Variants in STXBP6 observed in about 807,000 individuals in gnomAD.
STXBP6 encodes the protein syntaxin-binding protein 6.
In STXBP6, 21 loss-of-function variants were observed where a neutral mutation model predicts 26.9. The ratio of observed to expected loss-of-function variants is 0.78; its 90% CI spans 0.55 to 1.12. The LOEUF (loss-of-function observed/expected upper bound fraction) is 1.12. Among genes scored for constraint, STXBP6 ranks in the 50% most tolerant of loss-of-function variants. The pLI is 0.00. For synonymous variants in STXBP6, 97 were observed against 92.6 expected (o/e 1.05, Z -0.27); for missense variants, 232 against 257.9 (o/e 0.90, Z 0.69).
chr14:24,978,916 G>T (rs547701871), intron 1 of STXBP6, among the ~76,000 whole-genome samples: 1 of 152,204 alleles, frequency 6.6e-6, no homozygotes, highest in Non-Finnish European at 1.5e-5. Flanking sequence ...ACAGGTGTAA[G>T]ATGCAACATT....
chr14:24,905,068 C>A (rs979503673), intron 2 of STXBP6, among the ~76,000 whole-genome samples: 1 of 152,038 alleles, frequency 6.6e-6, no homozygotes, highest in Non-Finnish European at 1.5e-5. Context: ...ATATAGGTAT[C>A]CTTTCCAAAT....
intron 3 of STXBP6, 88 bp downstream of exon 3, chr14:24,856,939 T>C: frequency 2.7e-6 from 4 of 1,474,672 alleles, no homozygotes; most frequent in Non-Finnish European, 3.6e-6. Context: ...TTAAGAATGA[T>C]TCAAACCACC....
chr14:24,991,947 G>A (rs1156309484), intron 1 of STXBP6, among the ~76,000 whole-genome samples: 1 of 152,098 alleles, frequency 6.6e-6, no homozygotes, highest in Non-Finnish European at 1.5e-5. Context: ...CTCCTAATAC[G>A]ACCATTCTCC....
chr14:24,970,224 G>T (rs1438993290), intron 2 of STXBP6, among the ~76,000 whole-genome samples: 2 of 149,534 alleles, frequency 1.3e-5, no homozygotes, highest in Non-Finnish European at 3.0e-5. Flanking sequence ...CTGGGCAACA[G>T]AACGAGACTC....
At chr14:24,899,234 C>T (rs976390463) in intron 2 of STXBP6, among the ~76,000 whole-genome samples, 23 of 152,140 alleles carry the variant, frequency 1.5e-4, no homozygotes, top group African/African-American at 5.6e-4. Flanking sequence ...AATTAAAGCA[C>T]TATATTAGAC....
intron 2 of STXBP6, among the ~76,000 whole-genome samples, chr14:24,963,141 T>C (rs1566514651): frequency 1.3e-5 from 2 of 152,150 alleles, no homozygotes; most frequent in South Asian, 2.1e-4. Context: ...AACTAATATG[T>C]ATACATTTAG....
At chr14:24,851,039 G>A (rs760028490) in intron 4 of STXBP6, among the ~76,000 whole-genome samples, 1 of 152,036 alleles carries the variant, frequency 6.6e-6, no homozygotes, top group Non-Finnish European at 1.5e-5. Flanking sequence ...CACAGTATTA[G>A]GCATATGAAT....
At chr14:24,883,789 T>G (rs369819188) in intron 2 of STXBP6, among the ~76,000 whole-genome samples, 6 of 152,218 alleles carry the variant, frequency 3.9e-5, no homozygotes, top group African/African-American at 1.4e-4. Flanking sequence ...CTATAGTGTT[T>G]AATCCCCCTG....
intron 1 of STXBP6, among the ~76,000 whole-genome samples, chr14:24,984,649 G>A (rs867081938): frequency 2.0e-5 from 3 of 152,148 alleles, no homozygotes; most frequent in South Asian, 2.1e-4. Context: ...AATGGTGATC[G>A]AAAGGCTTCC....
intron 2 of STXBP6, among the ~76,000 whole-genome samples, chr14:24,896,186 C>G (rs1375454512): frequency 6.6e-6 from 1 of 152,084 alleles, no homozygotes; most frequent in Non-Finnish European, 1.5e-5. Context: ...AGTGTGGTCC[C>G]AGGATGTGTG....
At chr14:24,852,248 A>C (rs2069181836) in intron 4 of STXBP6, among the ~76,000 whole-genome samples, 1 of 152,156 alleles carries the variant, frequency 6.6e-6, no homozygotes. Flanking sequence ...TACCTTTCTC[A>C]AAAGAGGAGG....
At chr14:24,819,472 A>C (rs974713751) in intron 4 of STXBP6, 3 of 576,832 alleles carry the variant, frequency 5.2e-6, no homozygotes, top group Non-Finnish European at 9.2e-6. Context: ...CCAGTATTCT[A>C]TCTGTGGAGG....
At chr14:25,023,308 G>GA (rs904721160) in intron 1 of STXBP6, among the ~76,000 whole-genome samples, 41 of 139,740 alleles carry the variant, frequency 2.9e-4, no homozygotes, top group South Asian at 9.2e-4. Context: ...GATATTGTTT[G>GA]AAAAAAAAAA....
At chr14:24,854,495 A>G (rs1346244254) in intron 4 of STXBP6, among the ~76,000 whole-genome samples, 1 of 152,124 alleles carries the variant, frequency 6.6e-6, no homozygotes, top group Admixed American at 6.6e-5. Flanking sequence ...TACTGACCAT[A>G]TGGACATGGA....
chr14:24,904,449 G>A (rs757521098), intron 2 of STXBP6, among the ~76,000 whole-genome samples: 7 of 152,114 alleles, frequency 4.6e-5, no homozygotes, highest in Non-Finnish European at 5.9e-5. Context: ...TGGCGAACCC[G>A]CAATTACTTT....
At chr14:24,869,092 T>G (rs989780370) in intron 2 of STXBP6, among the ~76,000 whole-genome samples, 8 of 152,058 alleles carry the variant, frequency 5.3e-5, no homozygotes, top group African/African-American at 1.7e-4. Context: ...CTACTGAGAG[T>G]TTTAACTCAA....
In STXBP6 at chr14:24,888,927, C is replaced by T. The variant is rs532648668; in HGVS notation, c.155-31770G>A. Among the ~76,000 whole-genome samples the T allele has an allele frequency of 8.5e-5, 13 of 152,180 alleles. No individual in the cohort carries two copies. In the East Asian group the frequency reaches 2.3e-3, roughly 27 times the overall value. On this transcript the variant is annotated intron_variant, in intron 2 of 5. Coordinates refer to ENST00000323944, the MANE Select transcript of STXBP6 (RefSeq NM_001394410.1). Reference sequence around the variant, plus strand: ...CATTTGCATACTTGTTTAGAGTACCCTGCCCCTTTTCCTCTTTTTGTACTT... The same window carrying T: ...CATTTGCATACTTGTTTAGAGTACCTTGCCCCTTTTCCTCTTTTTGTACTT...
At chr14:24,991,254 T>A (rs960703098) in intron 1 of STXBP6, among the ~76,000 whole-genome samples, 1 of 152,152 alleles carries the variant, frequency 6.6e-6, no homozygotes, top group African/African-American at 2.4e-5. Flanking sequence ...CCAGTACATA[T>A]GCAGGCTTAT....
At chr14:25,021,988 C>T (rs903260455) in intron 1 of STXBP6, among the ~76,000 whole-genome samples, 1 of 152,130 alleles carries the variant, frequency 6.6e-6, no homozygotes, top group Non-Finnish European at 1.5e-5. Context: ...TATAATAAAG[C>T]CCATGCTCCA....
Sources: allele counts gnomAD v4.1 joint callset (sites outside exome capture counted in the v4.1 genomes callset), GRCh38; gene constraint gnomAD v4.1.1; transcripts MANE v1.5; gene names NCBI Gene and HGNC (gene_info 2026-07-23, HGNC 2026-07-21).